Variants in PPP1R14C observed in about 807,000 individuals in gnomAD.
PPP1R14C encodes the protein protein phosphatase 1 regulatory inhibitor subunit 14C, also known as protein phosphatase 1 regulatory subunit 14C.
Under a neutral mutation model 20.4 loss-of-function variants are expected in PPP1R14C, and 16 were observed. The ratio of observed to expected loss-of-function variants is 0.78; its 90% CI spans 0.53 to 1.19. The LOEUF (loss-of-function observed/expected upper bound fraction) is 1.19. Ranked by LOEUF, PPP1R14C falls within the 50% of genes most tolerant of loss-of-function variation. The probability of loss-of-function intolerance (pLI) is 0.00; values close to 1 mark genes in which losing one functional copy is unlikely to be tolerated. For synonymous variants in PPP1R14C, 91 were observed against 91.0 expected (o/e 1.00, Z 0.00); for missense variants, 211 against 220.1 (o/e 0.96, Z 0.26).
At chr6:150,160,019 G>C (rs1173254880) in intron 1 of PPP1R14C, among the ~76,000 whole-genome samples, 3 of 152,128 alleles carry the variant, frequency 2.0e-5, no homozygotes, top group East Asian at 1.9e-4. Flanking sequence ...GCATTTGTCG[G>C]ATGTTTTTCT....
At chr6:150,217,463 G>A (rs1302522492) in intron 3 of PPP1R14C, among the ~76,000 whole-genome samples, 3 of 152,060 alleles carry the variant, frequency 2.0e-5, no homozygotes, top group Non-Finnish European at 2.9e-5. Context: ...CCAAAGTGCT[G>A]GGATTACAGG....
intron 1 of PPP1R14C, among the ~76,000 whole-genome samples, chr6:150,152,593 G>A (rs1347646352): frequency 6.7e-6 from 1 of 148,208 alleles, no homozygotes; most frequent in African/African-American, 2.5e-5. Flanking sequence ...CCCCTCCCCT[G>A]CCCCCACTCC....
At chr6:150,209,516 TTGTG>T (rs1340269470) in intron 1 of PPP1R14C, among the ~76,000 whole-genome samples, 10 of 150,348 alleles carry the variant, frequency 6.7e-5, no homozygotes, top group Admixed American at 3.3e-4. Flanking sequence ...GTGTATGTGT[TTGTG>T]TGTGTGGATG....
At chr6:150,215,581 G>A (rs1467386783) in intron 2 of PPP1R14C, among the ~76,000 whole-genome samples, 1 of 152,178 alleles carries the variant, frequency 6.6e-6, no homozygotes, top group Non-Finnish European at 1.5e-5. Context: ...TGTGTTTAAT[G>A]CATTAGTTAT....
At chr6:150,147,263 T>A (rs912296436) in intron 1 of PPP1R14C, among the ~76,000 whole-genome samples, 2 of 150,566 alleles carry the variant, frequency 1.3e-5, no homozygotes, top group Non-Finnish European at 2.9e-5. Context: ...CACTGCAACC[T>A]CCGCCTCCTG....
intron 3 of PPP1R14C, among the ~76,000 whole-genome samples, chr6:150,245,970 G>T (rs1403066170): frequency 2.0e-5 from 3 of 152,108 alleles, no homozygotes; most frequent in African/African-American, 7.2e-5. Flanking sequence ...TATAAATTAT[G>T]TTAATATAAA....
chr6:150,238,820 C>A (rs992292639), intron 3 of PPP1R14C, among the ~76,000 whole-genome samples: 11 of 152,218 alleles, frequency 7.2e-5, no homozygotes, highest in Non-Finnish European at 1.5e-4. Flanking sequence ...GCTTGGTGAT[C>A]GTAGGCAGTG....
intron 1 of PPP1R14C, among the ~76,000 whole-genome samples, chr6:150,165,018 C>CTG (rs1191142836): frequency 6.6e-6 from 1 of 152,194 alleles, no homozygotes; most frequent in African/African-American, 2.4e-5. Flanking sequence ...GACATAGGAT[C>CTG]TGTGTGGTAC....
intron 1 of PPP1R14C, among the ~76,000 whole-genome samples, chr6:150,144,254 G>T (rs1170439196): frequency 6.6e-6 from 1 of 152,190 alleles, no homozygotes; most frequent in Non-Finnish European, 1.5e-5. Flanking sequence ...GGGATCCCGG[G>T]ATCTGTCAGC....
chr6:150,200,840 G>T (rs1034649989), intron 1 of PPP1R14C, among the ~76,000 whole-genome samples: 1 of 152,180 alleles, frequency 6.6e-6, no homozygotes, highest in Non-Finnish European at 1.5e-5. Flanking sequence ...TGTGAAAGCT[G>T]TCGTCATCCT....
chr6:150,176,335 C>T (rs1373973288), intron 1 of PPP1R14C, among the ~76,000 whole-genome samples: 1 of 152,172 alleles, frequency 6.6e-6, no homozygotes, highest in Non-Finnish European at 1.5e-5. Context: ...GAGTTGGAGG[C>T]GGGGTGCCCG....
intron 1 of PPP1R14C, among the ~76,000 whole-genome samples, chr6:150,202,653 G>C (rs1470949264): frequency 6.6e-6 from 1 of 152,208 alleles, no homozygotes; most frequent in Non-Finnish European, 1.5e-5. Flanking sequence ...AGCCTGGCCT[G>C]GTCTCAGGGC....
At chr6:150,241,107 A>C (rs1044446855) in intron 3 of PPP1R14C, among the ~76,000 whole-genome samples, 1 of 152,064 alleles carries the variant, frequency 6.6e-6, no homozygotes, top group African/African-American at 2.4e-5. Flanking sequence ...GAAACTTGGA[A>C]CTTTCAGCCC....
intron 3 of PPP1R14C, among the ~76,000 whole-genome samples, chr6:150,219,827 G>T (rs1364201638): frequency 1.3e-5 from 2 of 151,994 alleles, no homozygotes; most frequent in African/African-American, 4.8e-5. Flanking sequence ...ACAGTAAACT[G>T]ATTTGCATTT....
intron 1 of PPP1R14C, among the ~76,000 whole-genome samples, chr6:150,170,490 T>G (rs58660877): frequency 0.073 from 11,049 of 151,944 alleles, 508 homozygotes; most frequent in African/African-American, 0.12. Flanking sequence ...CCTGGCTAAT[T>G]TTTTTGTATT....
chr6:150,177,953 G>A (rs1777581254), intron 1 of PPP1R14C, among the ~76,000 whole-genome samples: 1 of 152,170 alleles, frequency 6.6e-6, no homozygotes, highest in African/African-American at 2.4e-5. Flanking sequence ...AGCCCCAGCG[G>A]GGATATAAAT....
In PPP1R14C at chr6:150,248,964, G is replaced by T. The variant is rs113912908; in HGVS notation, c.*144G>T. 6.3e-5 allele frequency: 31 copies of T among 494,250 alleles called. No individual in the cohort carries two copies. Among genetic ancestry groups the T allele is most frequent in the African/African-American group, 2.0e-4 (10 of 50,786 alleles). The allele number at this position is 494,250 out of a possible 1,614,324, so 30.6% of individuals were successfully genotyped here. On this transcript the variant is annotated 3_prime_UTR_variant, in exon 4 of 4. Transcript: ENST00000361131. ...TTCTTTTTTGGTGTGAAGGTGGGGG[G>T]GTCTATTAGACATTTATTCAAGAGC...
At chr6:150,204,673 G>C (rs183221095) in intron 1 of PPP1R14C, among the ~76,000 whole-genome samples, 2 of 152,300 alleles carry the variant, frequency 1.3e-5, no homozygotes, top group East Asian at 1.9e-4. Context: ...TGGGAACTAA[G>C]GGTTAGGGGA....
intron 3 of PPP1R14C, among the ~76,000 whole-genome samples, chr6:150,238,012 C>A (rs1778385213): frequency 6.6e-6 from 1 of 152,192 alleles, no homozygotes; most frequent in Non-Finnish European, 1.5e-5. Flanking sequence ...ACGGCCCCAG[C>A]CTCATCACAA....
Sources: gnomAD v4.1 joint callset for allele counts (sites outside exome capture counted in the v4.1 genomes callset) on GRCh38, gnomAD v4.1.1 for gene constraint, MANE v1.5 for transcripts, NCBI Gene and HGNC (gene_info 2026-07-23, HGNC 2026-07-21) for gene names.